Variants in PPM1E observed in about 807,000 individuals in gnomAD.
PPM1E encodes the protein protein phosphatase 1E.
A neutral mutation model predicts 65.9 loss-of-function variants in PPM1E; 20 were observed. The observed-to-expected ratio is 0.30, with a 90% CI of 0.21 to 0.44. The LOEUF is 0.44. Ranked by LOEUF, PPM1E falls within the 20% of genes least tolerant of loss-of-function variation. The pLI is 1.00. For synonymous variants in PPM1E, 352 were observed against 374.9 expected, an observed-to-expected ratio of 0.94 and a Z score of 0.70; for missense variants, 713 against 953.1, an observed-to-expected ratio of 0.75 and a Z score of 3.32.
intron 1 of PPM1E, among the ~76,000 whole-genome samples, chr17:58,875,092 T>C (rs2051114326): frequency 6.6e-6 from 1 of 152,126 alleles, no homozygotes; most frequent in African/African-American, 2.4e-5. Flanking sequence ...AACACAAATA[T>C]GGAAGTTTTG....
intron 1 of PPM1E, among the ~76,000 whole-genome samples, chr17:58,931,534 A>G (rs2051899194): frequency 1.3e-5 from 2 of 152,144 alleles, no homozygotes; most frequent in Admixed American, 6.5e-5. Flanking sequence ...TGTACATAGA[A>G]CAATTATAAT....
rs1567838907 is a variant in PPM1E, at chr17:58,805,982, AAACAAAACAAAAC to A, written c.464+49524_464+49536del. 7.7e-4 allele frequency among the ~76,000 whole-genome samples: 77 copies of A among 100,484 alleles called. 1 individual carries two copies. The highest frequency in any genetic ancestry group is 2.3e-3 in the African/African-American group (52 of 22,220). The allele number at this position is 100,484 out of a possible 152,430, so 65.9% of individuals were successfully genotyped here. On this transcript the variant is annotated intron_variant, in intron 1 of 6. Transcript: ENST00000308249. ...AAAACAAAAAAAAAAAACAAAAAAA[AAACAAAACAAAAC>A]AAAACAAAAAAAAAACTATATGTAG... is the stretch of plus-strand genomic sequence containing the variant.
chr17:58,780,206 C>T (rs1277765264), intron 1 of PPM1E, among the ~76,000 whole-genome samples: 1 of 152,152 alleles, frequency 6.6e-6, no homozygotes, highest in Non-Finnish European at 1.5e-5. Context: ...CCTCCAACTC[C>T]AATAGTATAT....
chr17:58,830,816 C>T (rs1264600731), intron 1 of PPM1E, among the ~76,000 whole-genome samples: 1 of 151,656 alleles, frequency 6.6e-6, no homozygotes, highest in Admixed American at 6.6e-5. Flanking sequence ...TCCCAAGTAC[C>T]TAGAACTATA....
chr17:58,879,749 TC>T, intron 1 of PPM1E, among the ~76,000 whole-genome samples: 1 of 152,032 alleles, frequency 6.6e-6, no homozygotes, highest in African/African-American at 2.4e-5. Context: ...GACCTCGTGA[TC>T]CACCCGCCTC....
chr17:58,932,144 G>A (rs374068778), intron 1 of PPM1E, among the ~76,000 whole-genome samples: 16 of 152,010 alleles, frequency 1.1e-4, no homozygotes, highest in African/African-American at 3.6e-4. Context: ...GGATTGGAAG[G>A]ATAAGGGTGA....
At chr17:58,794,233 C>T (rs991221835) in intron 1 of PPM1E, among the ~76,000 whole-genome samples, 4 of 152,126 alleles carry the variant, frequency 2.6e-5, no homozygotes, top group African/African-American at 9.7e-5. Context: ...GCAGGAGCCA[C>T]CATGCCTGGC....
chr17:58,805,670 A>G (rs1308719159), intron 1 of PPM1E, among the ~76,000 whole-genome samples: 1 of 152,140 alleles, frequency 6.6e-6, no homozygotes, highest in East Asian at 1.9e-4. Flanking sequence ...CATAATAATA[A>G]TATGTGACCT....
At chr17:58,764,645 T>G (rs1370567887) in intron 1 of PPM1E, among the ~76,000 whole-genome samples, 1 of 152,016 alleles carries the variant, frequency 6.6e-6, no homozygotes, top group Non-Finnish European at 1.5e-5. Context: ...TGAAACAGAG[T>G]CTCGCTCTGT....
chr17:58,829,890 C>A (rs2050581370), intron 1 of PPM1E, among the ~76,000 whole-genome samples: 1 of 152,078 alleles, frequency 6.6e-6, no homozygotes, highest in Non-Finnish European at 1.5e-5. Context: ...TACAGAATTA[C>A]AGGTTAAAGG....
At chr17:58,786,479 C>G (rs1369176761) in intron 1 of PPM1E, among the ~76,000 whole-genome samples, 2 of 152,186 alleles carry the variant, frequency 1.3e-5, no homozygotes, top group East Asian at 3.8e-4. Context: ...GCCAGCCTGG[C>G]TGCTAAATTA....
intron 1 of PPM1E, among the ~76,000 whole-genome samples, chr17:58,951,679 A>C (rs968267843): frequency 6.6e-6 from 1 of 151,508 alleles, no homozygotes; most frequent in African/African-American, 2.4e-5. Flanking sequence ...TCTTTAAAAA[A>C]AAAAAAAAAA....
At chr17:58,883,423 A>G (rs1340969022) in intron 1 of PPM1E, among the ~76,000 whole-genome samples, 1 of 139,886 alleles carries the variant, frequency 7.1e-6, no homozygotes. Context: ...TGTTAATTTT[A>G]GTCTCTATTT....
chr17:58,909,899 C>G (rs576392554), intron 1 of PPM1E, among the ~76,000 whole-genome samples: 5 of 130,584 alleles, frequency 3.8e-5, no homozygotes, highest in Admixed American at 7.5e-5. Context: ...TTCTTTCTTT[C>G]TTTCTTTCTT....
intron 1 of PPM1E, among the ~76,000 whole-genome samples, chr17:58,824,977 A>G (rs2050518621): frequency 6.6e-6 from 1 of 151,846 alleles, no homozygotes; most frequent in South Asian, 2.1e-4. Context: ...TATCTGGCTG[A>G]TGCAAAGGCA....
At chr17:58,845,657 G>T (rs1038504541) in intron 1 of PPM1E, among the ~76,000 whole-genome samples, 7 of 151,962 alleles carry the variant, frequency 4.6e-5, no homozygotes, top group African/African-American at 1.7e-4. Context: ...CACTCATATT[G>T]CAGCATATAT....
At chr17:58,833,217 A>G (rs116152897) in intron 1 of PPM1E, among the ~76,000 whole-genome samples, 1 of 151,738 alleles carries the variant, frequency 6.6e-6, no homozygotes, top group African/African-American at 2.4e-5. Flanking sequence ...CTCCCAAAGA[A>G]ACTCCCATGT....
At chr17:58,800,392 C>T (rs936256904) in intron 1 of PPM1E, among the ~76,000 whole-genome samples, 1 of 151,928 alleles carries the variant, frequency 6.6e-6, no homozygotes, top group African/African-American at 2.4e-5. Context: ...CTTTCCTTCT[C>T]TCTTCCTTTT....
chr17:58,830,545 A>G (rs1325105496), intron 1 of PPM1E, among the ~76,000 whole-genome samples: 2 of 151,658 alleles, frequency 1.3e-5, no homozygotes, highest in African/African-American at 4.8e-5. Context: ...TGACCTTGTG[A>G]TCCGCCCACC....
Sources: allele counts gnomAD v4.1 joint callset (sites outside exome capture counted in the v4.1 genomes callset), GRCh38; gene constraint gnomAD v4.1.1; transcripts MANE v1.5; gene names NCBI Gene and HGNC (gene_info 2026-07-23, HGNC 2026-07-21).